ZFYVE16: variants seen among roughly 807,000 people sequenced by gnomAD.
ZFYVE16 encodes zinc finger FYVE domain-containing protein 16.
In ZFYVE16, 89 loss-of-function variants were observed where a neutral mutation model predicts 138.1. The observed-to-expected ratio is 0.64, with a 90% CI of 0.54 to 0.77. The LOEUF is 0.77. ZFYVE16 is among the 30% of genes least tolerant of loss of function. ZFYVE16 has a pLI of 0.00. For synonymous variants in ZFYVE16, 596 were observed against 618.3 expected, an observed-to-expected ratio of 0.96 and a Z score of 0.53; for missense variants, 1,793 against 1,786.7, an observed-to-expected ratio of 1.00 and a Z score of -0.06.
intron 15 of ZFYVE16, among the ~76,000 whole-genome samples, chr5:80,469,094 CTT>C (rs60001690): frequency 1.3e-4 from 18 of 136,540 alleles, no homozygotes; most frequent in Admixed American, 1.5e-4. Flanking sequence ...TTCTTTCTCT[CTT>C]TTTTTTTTTT....
rs995996549 is a variant in ZFYVE16, at chr5:80,478,638, AATT to A, written c.*1264_*1266del. ...ACACTCATATATTTCAAGAAAAAGA[AATT>A]ATGTTAAATAGCCCTGTTTTAAGAA... On this transcript the variant is annotated 3_prime_UTR_variant, in exon 19 of 19. Transcript: ENST00000505560. The A allele has an allele frequency of 1.3e-5, 2 of 152,078 alleles. No individual in the cohort carries two copies. The highest frequency in any genetic ancestry group is 1.3e-4 in the Admixed American group (2 of 15,250). 9.4% of individuals were successfully genotyped at this position (152,078 alleles called of 1,614,324 possible). A position where few individuals can be genotyped will look rare whatever the true frequency, so the allele number is the denominator to read the frequency against.
chr5:80,470,102 T>TGTGTGTG (rs1491134484), intron 15 of ZFYVE16, among the ~76,000 whole-genome samples: 6 of 20,296 alleles, frequency 3.0e-4, no homozygotes, highest in Admixed American at 8.8e-4. Flanking sequence ...TGTGTGTGTA[T>TGTGTGTG]TTTTTTTTTT....
Position 80,437,971 on chromosome 5 carries a change from AAG to A in ZFYVE16, c.1290_1291del (p.Asn431Ter). ...GTTGTTCTAGGTGGGGAACCATTCAAAGAGAATGATCTTTTGAAACAGGAAAA... is the reference window on the plus strand; with the variant it reads ...GTTGTTCTAGGTGGGGAACCATTCAAAGAATGATCTTTTGAAACAGGAAAA... On this transcript the variant is annotated frameshift_variant, in exon 4 of 19. Coordinates refer to ENST00000505560, the MANE Select transcript of ZFYVE16 (RefSeq NM_001284236.3). LOFTEE classifies it high-confidence loss of function. 1 of 1,614,024 alleles carries A rather than the reference AAG, an allele frequency of 6.2e-7. No homozygotes were observed. The highest frequency in any genetic ancestry group is 8.5e-7 in the Non-Finnish European group (1 of 1,179,962).
chr5:80,424,565 G>T (rs1464736035), intron 1 of ZFYVE16, among the ~76,000 whole-genome samples: 3 of 151,386 alleles, frequency 2.0e-5, no homozygotes, highest in African/African-American at 7.3e-5. Flanking sequence ...GGGATCAAGT[G>T]ATTCTCCTGC....
At chr5:80,429,220 C>T (rs1189421656) in intron 2 of ZFYVE16, among the ~76,000 whole-genome samples, 1 of 152,122 alleles carries the variant, frequency 6.6e-6, no homozygotes, top group African/African-American at 2.4e-5. Flanking sequence ...GTCAGGTTAC[C>T]GACAAAGGGA....
chr5:80,434,287 A>G (rs764855948), intron 3 of ZFYVE16, 70 bp downstream of exon 3: 75 of 1,500,282 alleles, frequency 5.0e-5, no homozygotes, highest in Non-Finnish European at 6.7e-5. Context: ...TCTCAGGTAT[A>G]CAGTAATATT....
intron 1 of ZFYVE16, among the ~76,000 whole-genome samples, chr5:80,416,215 A>C (rs909866295): frequency 6.7e-6 from 1 of 148,418 alleles, no homozygotes; most frequent in African/African-American, 2.5e-5. Context: ...TTATTTATTC[A>C]ATCATTTACT....
rs145745171 is a variant in ZFYVE16, at chr5:80,473,856, C to T, written c.4290C>T (p.Thr1430=). The change falls in exon 17 of 19, where the codon ACC becomes ACT. Residue 1430 remains threonine (T), a synonymous_variant. Coordinates refer to ENST00000505560, the MANE Select transcript of ZFYVE16 (RefSeq NM_001284236.3). ...FETDEKIVKC[T]EVFYFLKDQD... is the part of the protein sequence containing the mutation. The stretch of plus-strand genomic sequence containing the variant: ...CCGATGAGAAGATTGTAAAATGTAC[C>T]GAGGTAACTAAGAAAGAAGGTCCCT... The T allele has an allele frequency of 1.0e-3, 1,658 of 1,608,572 alleles. 2 individuals carry two copies. Among genetic ancestry groups the T allele is most frequent in the Non-Finnish European group, 1.3e-3 (1,548 of 1,176,952 alleles).
intron 12 of ZFYVE16, 94 bp downstream of exon 12, chr5:80,455,868 T>C: frequency 1.9e-6 from 2 of 1,079,102 alleles, no homozygotes; most frequent in Middle Eastern, 6.1e-4. Context: ...CCTACTTTAA[T>C]TTGCCATATT....
At position 80,479,153 on chromosome 5, in the gene ZFYVE16, C is replaced by T. The variant is rs1755158794; in HGVS notation, c.*1776C>T. The T allele has an allele frequency of 1.3e-5, 2 of 152,054 alleles. No individual in the cohort carries two copies. The highest frequency in any genetic ancestry group is 1.3e-4 in the Admixed American group (2 of 15,272). The allele number at this position is 152,054 out of a possible 1,614,324, so 9.4% of individuals were successfully genotyped here. A position where few individuals can be genotyped will look rare whatever the true frequency, so the allele number is the denominator to read the frequency against. On this transcript the variant is annotated 3_prime_UTR_variant, in exon 19 of 19. Coordinates refer to ENST00000505560, the MANE Select transcript of ZFYVE16 (RefSeq NM_001284236.3). ...CACATTTTGAAGTATTCTTTGTAGA[C>T]ATATAGTATGTTTCTGAATGTGTTT...
In ZFYVE16 at chr5:80,437,070, C is replaced by T. The variant is rs1434682270; in HGVS notation, c.385C>T (p.Leu129=). Residue 129 remains leucine (L), a synonymous_variant, in exon 4 of 19, where the codon CTG becomes TTG. Transcript: ENST00000505560. ...MGRCSKPICD[L]ISDMGNLVHA... is the part of the protein sequence containing the mutation. ...ACGATGTAGTAAACCTATCTGTGAT[C>T]TGATAAGTGACATGGGTAACTTAGT... 3 of 1,614,026 alleles carry T rather than the reference C, an allele frequency of 1.9e-6. No homozygotes were observed. Among genetic ancestry groups the T allele is most frequent in the East Asian group, 2.2e-5 (1 of 44,888 alleles).
intron 15 of ZFYVE16, among the ~76,000 whole-genome samples, chr5:80,470,124 C>CA (rs70988479): frequency 0.8 from 92,810 of 115,896 alleles, 39,416 homozygotes; most frequent in East Asian, 0.92. Context: ...TTTTTTGAGA[C>CA]AGAGTCTCAC....
At chr5:80,432,166 G>A (rs985916623) in intron 2 of ZFYVE16, among the ~76,000 whole-genome samples, 6 of 152,238 alleles carry the variant, frequency 3.9e-5, no homozygotes, top group African/African-American at 9.6e-5. Context: ...GAGGCATCAC[G>A]CTACCTGACT....
chr5:80,437,687 T>G lies in ZFYVE16; in HGVS notation c.1002T>G (p.Asp334Glu), dbSNP rs1750131656. The stretch of plus-strand genomic sequence containing the variant: ...TACCTGACTTTTCCTTTCAGGAAGA[T>G]AAGACTGTTATAAAACAATCTGCAC... Reference protein sequence around the residue: ...FKLPDFSFQEDKTVIKQSAQE... With the variant: ...FKLPDFSFQEEKTVIKQSAQE... The change falls in exon 4 of 19, where the codon GAT becomes GAG. Residue 334 changes from aspartate (D) to glutamate (E), a missense_variant. Transcript: ENST00000505560. 6.2e-7 allele frequency: 1 copy of G among 1,613,392 alleles called. No individual in the cohort carries two copies. Among genetic ancestry groups the G allele is most frequent in the Non-Finnish European group, 8.5e-7 (1 of 1,179,766 alleles).
intron 4 of ZFYVE16, 77 bp downstream of exon 4, chr5:80,439,084 A>T: frequency 7.4e-7 from 1 of 1,355,344 alleles, no homozygotes; most frequent in Non-Finnish European, 1.0e-6. Flanking sequence ...GAAAAGGCTG[A>T]TGAACAGATA....
At chr5:80,445,735 C>T (rs1333675657) in intron 7 of ZFYVE16, among the ~76,000 whole-genome samples, 1 of 141,236 alleles carries the variant, frequency 7.1e-6, no homozygotes, top group Non-Finnish European at 1.5e-5. Context: ...TTAGACTTTA[C>T]TGTTAAAAAA....
At chr5:80,418,130 G>A (rs184174184) in intron 1 of ZFYVE16, among the ~76,000 whole-genome samples, 2 of 151,846 alleles carry the variant, frequency 1.3e-5, no homozygotes, top group Admixed American at 6.6e-5. Context: ...TTTAAAATTG[G>A]ATTATTTTCT....
At chr5:80,433,189 A>G (rs1749346657) in intron 2 of ZFYVE16, among the ~76,000 whole-genome samples, 2 of 152,190 alleles carry the variant, frequency 1.3e-5, no homozygotes, top group African/African-American at 4.8e-5. Context: ...AACCAACCCA[A>G]ATGTCCATCA....
Position 80,430,577 on chromosome 5 carries a change from ATAAC to A in ZFYVE16, c.-40+3036_-40+3039del, listed in dbSNP as rs1487239470. ...TTCAAAAGCTAGCAGAAGGCAAGAAATAACTAAGATCAGAGCAGAACTGAAGGAG... is the reference window on the plus strand; with the variant it reads ...TTCAAAAGCTAGCAGAAGGCAAGAAATAAGATCAGAGCAGAACTGAAGGAG... On this transcript the variant is annotated intron_variant, in intron 2 of 18. Transcript: ENST00000505560. Among the ~76,000 whole-genome samples the A allele has an allele frequency of 2.6e-5, 4 of 151,996 alleles. No individual in the cohort carries two copies. In the East Asian group the frequency reaches 7.7e-4, roughly 29 times the overall value.
Sources: allele counts gnomAD v4.1 joint callset (sites outside exome capture counted in the v4.1 genomes callset), GRCh38; gene constraint gnomAD v4.1.1; transcripts MANE v1.5; gene names NCBI Gene and HGNC (gene_info 2026-07-23, HGNC 2026-07-21).